The following MARCHF4 variants were observed in gnomAD, a reference collection of about 807,000 sequenced individuals.
MARCHF4 encodes the protein E3 ubiquitin-protein ligase MARCHF4.
A neutral mutation model predicts 43.9 loss-of-function variants in MARCHF4; 14 were observed. The observed-to-expected ratio is 0.32, with a 90% CI of 0.21 to 0.50. MARCHF4 has a LOEUF of 0.50. Ranked by LOEUF, MARCHF4 falls within the 20% of genes least tolerant of loss-of-function variation. The pLI is 0.98. For missense variants in MARCHF4, 468 were observed against 536.7 expected (o/e 0.87, Z 1.27); for synonymous variants, 226 against 213.3 (o/e 1.06, Z -0.52).
At chr2:216,261,638 A>C (rs1361561795) in intron 3 of MARCHF4, among the ~76,000 whole-genome samples, 1 of 152,226 alleles carries the variant, frequency 6.6e-6, no homozygotes, top group Non-Finnish European at 1.5e-5. Context: ...TGTCTGATAG[A>C]AATCTAACTA....
chr2:216,259,281 T>G lies in MARCHF4; in HGVS notation c.*31A>C. On this transcript the variant is annotated 3_prime_UTR_variant, in exon 4 of 4. Transcript: ENST00000273067. ...CCACCCTGCTCCGGGCCCTCAGTGG[T>G]GGTCATGGCCTTCCTTCCGGGCCTC... 2.0e-6 allele frequency: 3 copies of G among 1,511,792 alleles called. No homozygotes were observed. The African/African-American group carries it at 4.2e-5, about 21-fold the overall frequency. The allele number at this position is 1,511,792 out of a possible 1,614,324, so 93.6% of individuals were successfully genotyped here.
rs531773781 is a variant in MARCHF4 at position 216,367,945 on chromosome 2, G to A, written c.516+1800C>T. On this transcript the variant is annotated intron_variant, in intron 1 of 3. Transcript: ENST00000273067. The stretch of plus-strand genomic sequence containing the variant: ...CCCAACACACCTCTGAGGAAAGGAG[G>A]GGGGGGCATGAAAAGGTGTCTCCAA... Among the ~76,000 whole-genome samples, 1,211 of 152,142 alleles carry A rather than the reference G, an allele frequency of 8.0e-3. 14 individuals carry two copies. The highest frequency in any genetic ancestry group is 0.026 in the African/African-American group (1,089 of 41,488).
In MARCHF4 at chr2:216,320,870, G is replaced by A. The variant is rs369240117; in HGVS notation, c.517-37141C>T. ...TTTTTTTTGTATTTTTAGTAGAGAC[G>A]GGGTTTCACCATGTTGGTCAGTCTG... On this transcript the variant is annotated intron_variant, in intron 1 of 3. Transcript: ENST00000273067. Among the ~76,000 whole-genome samples, 16 of 141,110 alleles carry A rather than the reference G, an allele frequency of 1.1e-4. No individual in the cohort carries two copies. In the East Asian group the frequency reaches 1.8e-3, roughly 16 times the overall value. 92.6% of individuals were successfully genotyped at this position (141,110 alleles called of 152,430 possible). A position where few individuals can be genotyped will look rare whatever the true frequency, so the allele number is the denominator to read the frequency against.
chr2:216,357,726 A>G (rs936460348), intron 1 of MARCHF4, among the ~76,000 whole-genome samples: 1 of 152,182 alleles, frequency 6.6e-6, no homozygotes, highest in Non-Finnish European at 1.5e-5. Flanking sequence ...AGTATCACAA[A>G]CCCTCAAATG....
chr2:216,364,144 G>A (rs758280208), intron 1 of MARCHF4, among the ~76,000 whole-genome samples: 20 of 152,034 alleles, frequency 1.3e-4, no homozygotes, highest in Non-Finnish European at 1.2e-4. Flanking sequence ...TATCACTATC[G>A]AAGGTACTGC....
chr2:216,268,741 G>C (rs922353042), intron 3 of MARCHF4, among the ~76,000 whole-genome samples: 7 of 152,178 alleles, frequency 4.6e-5, no homozygotes, highest in Admixed American at 4.6e-4. Context: ...ACTGCACTAG[G>C]CTGCCTCCAA....
At chr2:216,303,149 CA>C (rs1222050927) in intron 1 of MARCHF4, among the ~76,000 whole-genome samples, 1 of 152,124 alleles carries the variant, frequency 6.6e-6, no homozygotes, top group Non-Finnish European at 1.5e-5. Context: ...GTGTTCTCTC[CA>C]AAATGGCAAG....
At chr2:216,314,326 CTTT>C (rs5838577) in intron 1 of MARCHF4, among the ~76,000 whole-genome samples, 5 of 139,354 alleles carry the variant, frequency 3.6e-5, no homozygotes, top group Admixed American at 7.2e-5. Flanking sequence ...GATGTAACTA[CTTT>C]TTTTTTTTTT....
At chr2:216,311,029 A>G (rs1361856851) in intron 1 of MARCHF4, among the ~76,000 whole-genome samples, 2 of 152,240 alleles carry the variant, frequency 1.3e-5, no homozygotes, top group Non-Finnish European at 2.9e-5. Context: ...AATATTACCT[A>G]CAATCCTACC....
intron 1 of MARCHF4, among the ~76,000 whole-genome samples, chr2:216,284,321 T>C (rs1008785309): frequency 1.6e-4 from 25 of 151,780 alleles, no homozygotes; most frequent in African/African-American, 5.6e-4. Flanking sequence ...TTTGGAGGAG[T>C]TGGAATCAGA....
intron 1 of MARCHF4, among the ~76,000 whole-genome samples, chr2:216,305,399 G>A (rs7594172): frequency 1.1e-3 from 168 of 152,288 alleles, no homozygotes; most frequent in African/African-American, 3.9e-3. Context: ...CTTTTGCAGC[G>A]ATTTCCTCCA....
intron 1 of MARCHF4, among the ~76,000 whole-genome samples, chr2:216,290,418 G>A (rs1432178914): frequency 2.0e-5 from 3 of 152,188 alleles, no homozygotes; most frequent in Non-Finnish European, 4.4e-5. Flanking sequence ...GTAGTTTAGA[G>A]GAAGAGGAGC....
chr2:216,367,712 A>G (rs1015510230), intron 1 of MARCHF4, among the ~76,000 whole-genome samples: 1 of 152,208 alleles, frequency 6.6e-6, no homozygotes, highest in African/African-American at 2.4e-5. Context: ...TGCTTTATTT[A>G]TGACACCCCA....
chr2:216,361,948 T>C (rs1453865886), intron 1 of MARCHF4, among the ~76,000 whole-genome samples: 1 of 152,196 alleles, frequency 6.6e-6, no homozygotes, highest in African/African-American at 2.4e-5. Flanking sequence ...GTCAATTCCT[T>C]ACAAATGTTC....
intron 1 of MARCHF4, among the ~76,000 whole-genome samples, chr2:216,369,091 T>C (rs1692711410): frequency 6.6e-6 from 1 of 152,204 alleles, no homozygotes; most frequent in African/African-American, 2.4e-5. Flanking sequence ...CTCATTCTCA[T>C]TCCCATTTAC....
chr2:216,287,833 G>A (rs1691241532), intron 1 of MARCHF4, among the ~76,000 whole-genome samples: 3 of 151,832 alleles, frequency 2.0e-5, no homozygotes, highest in Non-Finnish European at 4.4e-5. Context: ...TTGGGAAACA[G>A]CCGCTTTGTT....
chr2:216,342,638 T>C (rs1195743955), intron 1 of MARCHF4, among the ~76,000 whole-genome samples: 1 of 152,034 alleles, frequency 6.6e-6, no homozygotes, highest in Non-Finnish European at 1.5e-5. Context: ...GAGTTCATTC[T>C]TGTGGGAGGA....
intron 1 of MARCHF4, among the ~76,000 whole-genome samples, chr2:216,346,114 A>G (rs771301419): frequency 6.6e-6 from 1 of 152,168 alleles, no homozygotes; most frequent in African/African-American, 2.4e-5. Context: ...AAGATGACCA[A>G]CTGTCCTGGT....
intron 1 of MARCHF4, among the ~76,000 whole-genome samples, chr2:216,363,607 A>C (rs1162480208): frequency 6.6e-6 from 1 of 152,190 alleles, no homozygotes; most frequent in African/African-American, 2.4e-5. Flanking sequence ...AGAAGTAGGA[A>C]CTGAAAGCTC....
Sources: allele counts gnomAD v4.1 joint callset (sites outside exome capture counted in the v4.1 genomes callset), GRCh38; gene constraint gnomAD v4.1.1; transcripts MANE v1.5; gene names NCBI Gene and HGNC (gene_info 2026-07-23, HGNC 2026-07-21).